Variants in KIAA0825 observed in about 807,000 individuals in gnomAD.
The protein encoded by KIAA0825 is uncharacterized protein KIAA0825.
In KIAA0825, 119 loss-of-function variants were observed where a neutral mutation model predicts 147.6. The observed-to-expected ratio is 0.81, with a 90% confidence interval of 0.69 to 0.94. The LOEUF (loss-of-function observed/expected upper bound fraction) is 0.94, where lower values mean the gene tolerates loss of function less well. Among genes scored for constraint, KIAA0825 ranks in the 40% least tolerant of loss-of-function variants. The probability of loss-of-function intolerance (pLI) is 0.00; values close to 1 mark genes in which losing one functional copy is unlikely to be tolerated. For missense variants in KIAA0825, 1,381 were observed against 1,472.7 expected (o/e 0.94, Z 1.02); for synonymous variants, 470 against 518.1 (o/e 0.91, Z 1.26).
intron 20 of KIAA0825, among the ~76,000 whole-genome samples, chr5:94,261,170 G>A (rs1258063424): frequency 6.6e-6 from 1 of 151,960 alleles, no homozygotes; most frequent in Non-Finnish European, 1.5e-5. Flanking sequence ...GGGCGTGGTG[G>A]TGCGTGCCTA....
At chr5:94,530,940 C>G (rs1040509786) in intron 3 of KIAA0825, among the ~76,000 whole-genome samples, 2 of 152,140 alleles carry the variant, frequency 1.3e-5, no homozygotes, top group African/African-American at 2.4e-5. Flanking sequence ...CAGTATCATA[C>G]TATTCAACTT....
At chr5:94,613,354 A>C (rs1055501777) in intron 1 of KIAA0825, among the ~76,000 whole-genome samples, 14 of 151,960 alleles carry the variant, frequency 9.2e-5, no homozygotes, top group Non-Finnish European at 1.9e-4. Flanking sequence ...CCACGACCAC[A>C]CCCAGCTAAT....
rs1757589825 is a variant in KIAA0825, at chr5:94,445,303, A to T, written c.2358-5182T>A. Among the ~76,000 whole-genome samples, 3 of 152,300 alleles carry T rather than the reference A, an allele frequency of 2.0e-5. No homozygotes were observed. In the South Asian group the frequency reaches 6.2e-4, roughly 32 times the overall value. On this transcript the variant is annotated intron_variant, in intron 13 of 20. Transcript: ENST00000682413. ...ATTGATAAAACTTGCCACTCTCTGA[A>T]ATATATAGCTCTTTACTAACAGCAG...
intron 18 of KIAA0825, among the ~76,000 whole-genome samples, chr5:94,388,308 C>G (rs187848291): frequency 7.9e-5 from 12 of 152,324 alleles, no homozygotes; most frequent in Admixed American, 4.6e-4. Context: ...CAGTTCCTAA[C>G]AGGCCACCAA....
intron 20 of KIAA0825, among the ~76,000 whole-genome samples, chr5:94,220,096 A>G (rs1026792874): frequency 2.0e-5 from 3 of 152,154 alleles, no homozygotes; most frequent in Non-Finnish European, 4.4e-5. Context: ...CCATATCCTT[A>G]TTCTATAAGC....
intron 2 of KIAA0825, chr5:94,567,691 A>T (rs1373571593): frequency 1.3e-5 from 2 of 152,414 alleles, no homozygotes; most frequent in Admixed American, 6.5e-5. Flanking sequence ...TAGCCCTAGC[A>T]TGATTCCTCC....
chr5:94,576,725 A>G (rs1253633857), intron 2 of KIAA0825, among the ~76,000 whole-genome samples: 1 of 152,176 alleles, frequency 6.6e-6, no homozygotes, highest in African/African-American at 2.4e-5. Flanking sequence ...ACTAACTTAC[A>G]TTGCTGCTTC....
intron 1 of KIAA0825, among the ~76,000 whole-genome samples, chr5:94,608,435 G>A: frequency 1.1e-4 from 1 of 8,788 alleles, no homozygotes; most frequent in Non-Finnish European, 2.3e-4. Context: ...CTAATTTTGT[G>A]TGTGTATGTG....
intron 20 of KIAA0825, among the ~76,000 whole-genome samples, chr5:94,320,895 C>G (rs1780120017): frequency 6.6e-6 from 1 of 151,996 alleles, no homozygotes; most frequent in Admixed American, 6.6e-5. Flanking sequence ...TCTCAACCAG[C>G]CTGATTCTTC....
intron 20 of KIAA0825, among the ~76,000 whole-genome samples, chr5:94,379,482 A>T (rs1038949644): frequency 6.6e-6 from 1 of 152,206 alleles, no homozygotes; most frequent in Non-Finnish European, 1.5e-5. Flanking sequence ...GTACCATACC[A>T]TGCTGTTTTG....
intron 20 of KIAA0825, among the ~76,000 whole-genome samples, chr5:94,315,367 G>C (rs909026073): frequency 4.0e-5 from 6 of 151,590 alleles, no homozygotes; most frequent in African/African-American, 1.4e-4. Context: ...TTTTTTTTAA[G>C]AAACCACTTC....
intron 14 of KIAA0825, among the ~76,000 whole-genome samples, chr5:94,435,840 T>C (rs1316768438): frequency 6.6e-6 from 1 of 152,212 alleles, no homozygotes; most frequent in East Asian, 1.9e-4. Flanking sequence ...AGTATCTCAT[T>C]GTAGTTTTGA....
chr5:94,425,654 A>G (rs1422775409), intron 14 of KIAA0825, among the ~76,000 whole-genome samples: 1 of 152,042 alleles, frequency 6.6e-6, no homozygotes, highest in East Asian at 1.9e-4. Context: ...CAAAACCCAT[A>G]TGGTCGTTCT....
intron 20 of KIAA0825, among the ~76,000 whole-genome samples, chr5:94,236,365 GC>G (rs550201609): frequency 9.8e-5 from 15 of 152,340 alleles, no homozygotes; most frequent in African/African-American, 3.6e-4. Flanking sequence ...TGAATTAAAA[GC>G]AGAGCCTGAA....
chr5:94,334,960 T>G (rs1216162929), intron 20 of KIAA0825, among the ~76,000 whole-genome samples: 1 of 152,182 alleles, frequency 6.6e-6, no homozygotes, highest in Non-Finnish European at 1.5e-5. Flanking sequence ...CAAATTATGA[T>G]GCTGTAACAA....
intron 14 of KIAA0825, among the ~76,000 whole-genome samples, chr5:94,423,480 C>A (rs1363264345): frequency 6.6e-6 from 1 of 152,146 alleles, no homozygotes; most frequent in Non-Finnish European, 1.5e-5. Flanking sequence ...ACTCAACCAC[C>A]AACCCACCAG....
intron 3 of KIAA0825, 149 bp downstream of exon 3, chr5:94,536,847 G>A: frequency 1.9e-6 from 1 of 525,426 alleles, no homozygotes; most frequent in Non-Finnish European, 3.4e-6. Flanking sequence ...TAAACTTTAA[G>A]TGAGAGGGGG....
At chr5:94,551,793 G>A (rs933025200) in intron 2 of KIAA0825, among the ~76,000 whole-genome samples, 4 of 150,974 alleles carry the variant, frequency 2.6e-5, no homozygotes, top group African/African-American at 9.7e-5. Context: ...TAGAAAAGGA[G>A]AAAGAAAAAG....
intron 20 of KIAA0825, among the ~76,000 whole-genome samples, chr5:94,180,164 A>G (rs1015861879): frequency 2.0e-5 from 3 of 152,132 alleles, no homozygotes; most frequent in Admixed American, 2.0e-4. Context: ...ATCACCAGTA[A>G]TTAGACAAAT....
Sources: allele counts gnomAD v4.1 joint callset (sites outside exome capture counted in the v4.1 genomes callset), GRCh38; gene constraint gnomAD v4.1.1; transcripts MANE v1.5; gene names NCBI Gene and HGNC (gene_info 2026-07-23, HGNC 2026-07-21).